The following ARHGEF7 variants were observed in gnomAD, a reference collection of about 807,000 sequenced individuals.
The protein encoded by ARHGEF7 is PAK-interacting exchange factor beta.
Under a neutral mutation model 109.8 loss-of-function variants are expected in ARHGEF7, and 33 were observed. The observed-to-expected ratio is 0.30, with a 90% confidence interval of 0.23 to 0.40. The LOEUF (loss-of-function observed/expected upper bound fraction) is 0.40. Among genes scored for constraint, ARHGEF7 ranks in the 10% least tolerant of loss-of-function variants. ARHGEF7 has a pLI of 1.00. For synonymous variants in ARHGEF7, 458 were observed against 424.6 expected (o/e 1.08, Z -0.97); for missense variants, 938 against 1,098.5 (o/e 0.85, Z 2.07).
In ARHGEF7 at chr13:111,272,853, G is replaced by A. The variant is rs139887246; in HGVS notation, c.1074-961G>A. Among the ~76,000 whole-genome samples, 1,854 of 152,236 alleles carry A rather than the reference G, an allele frequency of 0.012. 15 individuals are homozygous for A. Among genetic ancestry groups the A allele is most frequent in the Non-Finnish European group, 0.018 (1,229 of 68,006 alleles). Reference sequence around the variant, plus strand: ...AGATCGCCAGTGAAGGGGTGTTGCGGTCAGGTGACTGTCAGCCTTAACAAA... The same window carrying A: ...AGATCGCCAGTGAAGGGGTGTTGCGATCAGGTGACTGTCAGCCTTAACAAA... On this transcript the variant is annotated intron_variant, in intron 9 of 21. Transcript: ENST00000646102. This position sits in a 1 kb window ranked among gnomAD's most constrained non-coding sequence, Gnocchi z 5.2.
chr13:111,118,177 G>A (rs558001766), intron 1 of ARHGEF7, among the ~76,000 whole-genome samples: 12 of 152,316 alleles, frequency 7.9e-5, no homozygotes, highest in African/African-American at 2.6e-4. Context: ...TGGGTGCCTC[G>A]GGCTTCCCAT....
At chr13:111,206,178 A>C (rs762770293) in intron 3 of ARHGEF7, among the ~76,000 whole-genome samples, 3 of 150,152 alleles carry the variant, frequency 2.0e-5, no homozygotes, top group Non-Finnish European at 4.4e-5. Flanking sequence ...TTCAAACAGA[A>C]ACCTCCTGAG....
intron 5 of ARHGEF7, among the ~76,000 whole-genome samples, chr13:111,222,698 G>C (rs1469951650): frequency 2.6e-5 from 4 of 152,218 alleles, no homozygotes; most frequent in African/African-American, 7.2e-5. Flanking sequence ...CAAAGTGCTG[G>C]GATTACAGGC....
At chr13:111,250,698 A>G (rs899478005) in intron 8 of ARHGEF7, among the ~76,000 whole-genome samples, 1 of 152,130 alleles carries the variant, frequency 6.6e-6, no homozygotes, top group Non-Finnish European at 1.5e-5. Flanking sequence ...CCCAAGCTAT[A>G]TACTCCTACC....
At chr13:111,288,471 TGTG>T (rs1230422571) in intron 18 of ARHGEF7, 28 bp downstream of exon 18, 2 of 1,560,548 alleles carry the variant, frequency 1.3e-6, no homozygotes, top group African/African-American at 1.4e-5. Flanking sequence ...GCCTGGGAAG[TGTG>T]GTGGTTTATT....
Position 111,283,187 on chromosome 13 carries a change from C to A in ARHGEF7, c.1774C>A (p.Pro592Thr). The A allele has an allele frequency of 6.3e-7, 1 of 1,597,450 alleles. No homozygotes were observed. The highest frequency in any genetic ancestry group is 8.5e-7 in the Non-Finnish European group (1 of 1,173,166). ...GTCCAGCAAGCACGCAGACAGCAAGCCCGCGCCGCTGACGCCCGCCTACCA... is the reference window on the plus strand; with the variant it reads ...GTCCAGCAAGCACGCAGACAGCAAGACCGCGCCGCTGACGCCCGCCTACCA... ...TPSSKHADSK[P>T]APLTPAYHTL... Residue 592 changes from proline (P) to threonine (T), a missense_variant, in exon 16 of 22, where the codon CCC becomes ACC. Physicochemically the swap from Pro to Thr is conservative, Grantham distance 38. Around this residue, in one of 4 missense-constraint regions of ARHGEF7, gnomAD observed 585 missense variants for 723.6 expected, o/e 0.81. Transcript: ENST00000646102.
chr13:111,164,055 G>A (rs547730770), intron 2 of ARHGEF7, among the ~76,000 whole-genome samples: 5 of 145,674 alleles, frequency 3.4e-5, no homozygotes, highest in Non-Finnish European at 6.2e-5. Flanking sequence ...TGCGTGTTGC[G>A]TTTGGATTAT....
At chr13:111,127,214 A>G (rs1459258000) in intron 1 of ARHGEF7, among the ~76,000 whole-genome samples, 1 of 152,250 alleles carries the variant, frequency 6.6e-6, no homozygotes, top group Non-Finnish European at 1.5e-5. Flanking sequence ...GAAGAAATTG[A>G]TAACTTTAAT....
Position 111,266,537 on chromosome 13 carries a change from C to G in ARHGEF7, c.951-1011C>G, listed in dbSNP as rs1369744333. Among the ~76,000 whole-genome samples the G allele has an allele frequency of 6.6e-6, 1 of 152,074 alleles. No homozygotes were observed. Among genetic ancestry groups the G allele is most frequent in the Admixed American group, 6.5e-5 (1 of 15,276 alleles). On this transcript the variant is annotated intron_variant, in intron 8 of 21. Coordinates refer to ENST00000646102, the MANE Select transcript of ARHGEF7 (RefSeq NM_001354046.2). The surrounding 1 kb of genome is among the most constrained non-coding windows in gnomAD (Gnocchi z 4.8). ...TCATATTTCCTTTTTCTCCTTTGCTCCTTCATTCCCCTTTTTTTAGGCAAA... is the reference window on the plus strand; with the variant it reads ...TCATATTTCCTTTTTCTCCTTTGCTGCTTCATTCCCCTTTTTTTAGGCAAA...
rs2090364021 is a variant in ARHGEF7 at position 111,255,875 on chromosome 13, A to G, written c.950+11581A>G. The stretch of plus-strand genomic sequence containing the variant: ...TTTCTCTTGGCTCTGTCGTTTGGGG[A>G]TGTCTGACAGGCAGTTGACTAGCCA... On this transcript the variant is annotated intron_variant, in intron 8 of 21. Transcript: ENST00000646102. This position sits in a 1 kb window ranked among gnomAD's most constrained non-coding sequence, Gnocchi z 4.1. 6.6e-6 allele frequency among the ~76,000 whole-genome samples: 1 copy of G among 152,042 alleles called. No individual in the cohort carries two copies. The highest frequency in any genetic ancestry group is 1.5e-5 in the Non-Finnish European group (1 of 68,018).
intron 2 of ARHGEF7, among the ~76,000 whole-genome samples, chr13:111,200,048 C>T (rs1257041493): frequency 6.6e-6 from 1 of 152,204 alleles, no homozygotes; most frequent in Non-Finnish European, 1.5e-5. Flanking sequence ...CTTTCTGCCG[C>T]CGTGGACTAC....
At chr13:111,291,464 G>T (rs912664469) in intron 18 of ARHGEF7, among the ~76,000 whole-genome samples, 2 of 152,260 alleles carry the variant, frequency 1.3e-5, no homozygotes, top group African/African-American at 4.8e-5. Flanking sequence ...AGCGCGCCCT[G>T]GGAGCAGGGG....
intron 5 of ARHGEF7, among the ~76,000 whole-genome samples, chr13:111,221,520 T>TATAGAC (rs2084280582): frequency 7.9e-5 from 3 of 37,902 alleles, no homozygotes; most frequent in Non-Finnish European, 1.5e-4. Flanking sequence ...TATAGATATA[T>TATAGAC]ATCTATATAT....
At chr13:111,203,630 C>T (rs933458741) in intron 2 of ARHGEF7, among the ~76,000 whole-genome samples, 1 of 152,200 alleles carries the variant, frequency 6.6e-6, no homozygotes, top group Non-Finnish European at 1.5e-5. Flanking sequence ...AAGAAAGTGA[C>T]CTCTGGTTTT....
intron 14 of ARHGEF7, 65 bp from the exon 15 acceptor site, chr13:111,280,473 G>T: frequency 2.5e-6 from 4 of 1,577,484 alleles, no homozygotes; most frequent in East Asian, 4.5e-5. Flanking sequence ...AATTCTGGGG[G>T]GTGTGCACGC....
intron 2 of ARHGEF7, 135 bp downstream of exon 2, chr13:111,154,126 G>C: frequency 1.1e-6 from 1 of 947,726 alleles, no homozygotes. Flanking sequence ...TCGAGAGTCC[G>C]GGATGTGTGG....
At chr13:111,153,862 C>A (rs775180987) in intron 1 of ARHGEF7, 43 bp from the exon 2 acceptor site, 1 of 1,577,316 alleles carries the variant, frequency 6.3e-7, no homozygotes, top group Non-Finnish European at 8.6e-7. Context: ...GCGGCGTCCC[C>A]GCTGCCGGCC....
At chr13:111,241,715 A>G (rs2087818892) in intron 6 of ARHGEF7, among the ~76,000 whole-genome samples, 1 of 152,160 alleles carries the variant, frequency 6.6e-6, no homozygotes, top group African/African-American at 2.4e-5. Context: ...GATAGTTTCT[A>G]GTGGCTGCTT....
chr13:111,224,649 T>G (rs907387964), intron 5 of ARHGEF7, among the ~76,000 whole-genome samples: 1 of 152,258 alleles, frequency 6.6e-6, no homozygotes, highest in African/African-American at 2.4e-5. Flanking sequence ...TGCCACTTTT[T>G]AAGTTGGTCA....
Sources: gnomAD v4.1 joint callset for allele counts (sites outside exome capture counted in the v4.1 genomes callset) on GRCh38, gnomAD v4.1.1 for gene constraint, gnomAD v4.1.1 regional missense constraint, Gnocchi (gnomAD v3.1) non-coding constraint, MANE v1.5 for transcripts, NCBI Gene and HGNC (gene_info 2026-07-23, HGNC 2026-07-21) for gene names.